Variants in TRPM3 observed in about 807,000 individuals in gnomAD.
TRPM3 encodes the protein transient receptor potential cation channel subfamily M member 3, also known as long transient receptor potential channel 3.
Under a neutral mutation model 181.2 loss-of-function variants are expected in TRPM3, and 77 were observed. That is an observed-to-expected ratio of 0.42 (90% CI 0.35 to 0.51). The LOEUF (loss-of-function observed/expected upper bound fraction) is 0.51, where lower values mean the gene tolerates loss of function less well. Ranked by LOEUF, TRPM3 falls within the 20% of genes least tolerant of loss-of-function variation. TRPM3 has a pLI of 0.01. For synonymous variants in TRPM3, 745 were observed against 796.4 expected (o/e 0.94, Z 1.09); for missense variants, 1,759 against 2,196.7 (o/e 0.80, Z 3.98).
intron 1 of TRPM3, among the ~76,000 whole-genome samples, chr9:71,073,747 G>T (rs1284903514): frequency 6.6e-6 from 1 of 151,938 alleles, no homozygotes; most frequent in Non-Finnish European, 1.5e-5. Flanking sequence ...TGACAGGAAC[G>T]CCATGATGCA....
intron 22 of TRPM3, among the ~76,000 whole-genome samples, chr9:70,556,868 A>G (rs1456243255): frequency 6.6e-6 from 1 of 152,240 alleles, no homozygotes; most frequent in Non-Finnish European, 1.5e-5. Flanking sequence ...CAAGATCATT[A>G]CACAAGATAA....
chr9:71,012,794 T>G (rs1384458948), intron 1 of TRPM3, among the ~76,000 whole-genome samples: 1 of 152,094 alleles, frequency 6.6e-6, no homozygotes, highest in African/African-American at 2.4e-5. Flanking sequence ...GGCTTCTTTA[T>G]TGAGTCTCTA....
chr9:70,610,809 G>C, intron 18 of TRPM3, 60 bp from the exon 19 acceptor site: 1 of 1,585,656 alleles, frequency 6.3e-7, no homozygotes. Flanking sequence ...GTTGTTCAAT[G>C]TGCTTACTTT....
chr9:70,841,654 ATATAT>A (rs2094654741), intron 5 of TRPM3, among the ~76,000 whole-genome samples: 6 of 123,710 alleles, frequency 4.9e-5, no homozygotes, highest in Admixed American at 1.6e-4. Flanking sequence ...ATATATATAT[ATATAT>A]ATCCCACCAT....
rs139388299 is a variant in TRPM3 at position 71,247,302 on chromosome 9, C to T, written c.183+199351G>A. Among the ~76,000 whole-genome samples the T allele has an allele frequency of 3.4e-3, 463 of 136,506 alleles. 2 individuals are homozygous for T. Among genetic ancestry groups the T allele is most frequent in the African/African-American group, 0.012 (429 of 34,980 alleles). The allele number at this position is 136,506 out of a possible 152,430, so 89.6% of individuals were successfully genotyped here. On this transcript the variant is annotated intron_variant, in intron 1 of 24. Transcript: ENST00000357533. ...CTGGGAGGTGGGGGTTGCAGTAAGCCGAGATCATGCCTCTGCACTCCAGCC... is the reference window on the plus strand; with the variant it reads ...CTGGGAGGTGGGGGTTGCAGTAAGCTGAGATCATGCCTCTGCACTCCAGCC...
chr9:71,018,465 T>C (rs2097805053), intron 1 of TRPM3, among the ~76,000 whole-genome samples: 1 of 151,684 alleles, frequency 6.6e-6, no homozygotes, highest in Non-Finnish European at 1.5e-5. Flanking sequence ...AAAAAACCAA[T>C]CTTGTAAATG....
chr9:71,257,657 T>C (rs2082757204), intron 1 of TRPM3, among the ~76,000 whole-genome samples: 1 of 152,202 alleles, frequency 6.6e-6, no homozygotes, highest in African/African-American at 2.4e-5. Context: ...TACGAGAAAT[T>C]GTGTATGTAT....
chr9:71,045,954 T>A (rs2059380508), intron 1 of TRPM3, among the ~76,000 whole-genome samples: 8 of 151,786 alleles, frequency 5.3e-5, no homozygotes, highest in Admixed American at 5.2e-4. Context: ...TGTTTGACTT[T>A]CCAGGAGTGT....
At chr9:71,067,759 C>T (rs1296427812) in intron 1 of TRPM3, among the ~76,000 whole-genome samples, 1 of 152,102 alleles carries the variant, frequency 6.6e-6, no homozygotes, top group Admixed American at 6.6e-5. Flanking sequence ...GCCAAGGGCT[C>T]TTACTTGGTC....
chr9:71,445,740 A>G (rs1001201977), intron 1 of TRPM3, among the ~76,000 whole-genome samples: 6 of 152,180 alleles, frequency 3.9e-5, no homozygotes, highest in Non-Finnish European at 8.8e-5. Flanking sequence ...AGTCTCTTCA[A>G]TATACAACAT....
rs2093737328 is a variant in TRPM3 at position 71,420,813 on chromosome 9, A to AAGAGAGAAAGAG, written c.183+25828_183+25839dup. On this transcript the variant is annotated intron_variant, in intron 1 of 24. Transcript: ENST00000357533. ...AGAGAGAGAAAGAAAGAGAGAAAGA[A>AAGAGAGAAAGAG]AGAGAGAAAGAGAGGGAAAGAAAGA... Among the ~76,000 whole-genome samples the AAGAGAGAAAGAG allele has an allele frequency of 5.5e-4, 6 of 10,942 alleles. 1 individual carries two copies. Among genetic ancestry groups the AAGAGAGAAAGAG allele is most frequent in the South Asian group, 7.5e-3 (1 of 134 alleles). The allele number at this position is 10,942 out of a possible 152,430, so 7.2% of individuals were successfully genotyped here.
At chr9:71,159,576 T>C (rs1222435751) in intron 1 of TRPM3, among the ~76,000 whole-genome samples, 1 of 152,146 alleles carries the variant, frequency 6.6e-6, no homozygotes. Flanking sequence ...CCATCTTTTG[T>C]TCTTAAGAAA....
intron 1 of TRPM3, among the ~76,000 whole-genome samples, chr9:71,151,836 G>A (rs953169422): frequency 2.0e-5 from 3 of 152,046 alleles, no homozygotes; most frequent in Non-Finnish European, 4.4e-5. Context: ...AAAAGGCAAG[G>A]TGGATAACAG....
At chr9:71,312,574 T>G (rs2088067852) in intron 1 of TRPM3, among the ~76,000 whole-genome samples, 1 of 152,106 alleles carries the variant, frequency 6.6e-6, no homozygotes, top group African/African-American at 2.4e-5. Context: ...AATTGCAAAC[T>G]TACATCCACA....
At chr9:71,168,578 GT>G (rs1248703820) in intron 1 of TRPM3, among the ~76,000 whole-genome samples, 4 of 43,256 alleles carry the variant, frequency 9.2e-5, no homozygotes, top group Admixed American at 7.1e-4. Context: ...ATTTATTTTT[GT>G]TTTTTATTTT....
At chr9:71,111,080 A>T (rs949870394) in intron 1 of TRPM3, among the ~76,000 whole-genome samples, 1 of 152,216 alleles carries the variant, frequency 6.6e-6, no homozygotes, top group South Asian at 2.1e-4. Flanking sequence ...TTGATTTAAA[A>T]AACAACATAT....
At chr9:71,260,369 T>G (rs1471711361) in intron 1 of TRPM3, among the ~76,000 whole-genome samples, 1 of 152,160 alleles carries the variant, frequency 6.6e-6, no homozygotes, top group African/African-American at 2.4e-5. Context: ...TGCGGGCTCT[T>G]TTTTTGGATC....
At chr9:70,921,239 C>G (rs1184710244) in intron 1 of TRPM3, among the ~76,000 whole-genome samples, 2 of 152,194 alleles carry the variant, frequency 1.3e-5, no homozygotes, top group Non-Finnish European at 2.9e-5. Context: ...TTCCACAGCA[C>G]ATTTAAATAA....
chr9:70,779,366 T>C (rs1035151709), intron 7 of TRPM3, among the ~76,000 whole-genome samples: 10 of 152,186 alleles, frequency 6.6e-5, no homozygotes, highest in African/African-American at 2.4e-4. Flanking sequence ...TGATTATCTC[T>C]GGAATGAAGA....
Sources: gnomAD v4.1 joint callset for allele counts (sites outside exome capture counted in the v4.1 genomes callset) on GRCh38, gnomAD v4.1.1 for gene constraint, MANE v1.5 for transcripts, NCBI Gene and HGNC (gene_info 2026-07-23, HGNC 2026-07-21) for gene names.